The following TPM2 variants were observed in gnomAD, a reference collection of about 807,000 sequenced individuals.
The protein encoded by TPM2 is tropomyosin 2.
A neutral mutation model predicts 41.0 loss-of-function variants in TPM2; 26 were observed. The observed-to-expected ratio is 0.63, with a 90% CI of 0.46 to 0.88. The LOEUF (loss-of-function observed/expected upper bound fraction) is 0.88. Among genes scored for constraint, TPM2 ranks in the 40% least tolerant of loss-of-function variants. The pLI, the probability that TPM2 is intolerant of heterozygous loss-of-function variation, is 0.00. For missense variants in TPM2, 187 were observed against 355.2 expected, an observed-to-expected ratio of 0.53 and a Z score of 3.81; for synonymous variants, 143 against 139.3, an observed-to-expected ratio of 1.03 and a Z score of -0.19.
intron 1 of TPM2, 198 bp from the exon 2 acceptor site, chr9:35,689,469 G>C: frequency 3.3e-6 from 3 of 898,866 alleles, no homozygotes; most frequent in Non-Finnish European, 4.0e-6. Flanking sequence ...CAAGGAGCAG[G>C]ACCAACCGCG....
At chr9:35,687,774 G>A (rs202009886) in intron 2 of TPM2, among the ~76,000 whole-genome samples, 1 of 117,916 alleles carries the variant, frequency 8.5e-6, no homozygotes, top group South Asian at 2.9e-4. Flanking sequence ...ATGGTGGGGT[G>A]ACAAAAGACT....
At chr9:35,682,752 CAGAG>C (rs1563926138), downstream of TPM2, 1 of 1,318,602 alleles carries the variant, frequency 7.6e-7, no homozygotes, top group Non-Finnish European at 1.0e-6. Flanking sequence ...AGTGGTGAAT[CAGAG>C]AGCGACAGCC....
chr9:35,685,176 G>A lies in TPM2; in HGVS notation c.563+93C>T, dbSNP rs752771322. ...GGGCAGGGGTCAGAGAACAGGGCCT[G>A]TCCCTACAGCCCCAAGCCTAGGATG... is the stretch of plus-strand genomic sequence containing the variant. On this transcript the variant is annotated intron_variant, in intron 5 of 8. Coordinates refer to ENST00000645482, the MANE Select transcript of TPM2 (RefSeq NM_003289.4). This position sits in a 1 kb window ranked among gnomAD's most constrained non-coding sequence, Gnocchi z 5.0. The A allele has an allele frequency of 8.7e-6, 14 of 1,614,134 alleles. No individual in the cohort carries two copies. In the South Asian group the frequency reaches 1.2e-4, roughly 14 times the overall value.
chr9:35,684,578 T>G, intron 6 of TPM2, 28 bp from the exon 7 acceptor site: 2 of 1,613,976 alleles, frequency 1.2e-6, no homozygotes, highest in Non-Finnish European at 1.7e-6. Flanking sequence ...ACGCCATCAG[T>G]ACAGCGCTAC....
Position 35,689,262 on chromosome 9 carries a change from C to T in TPM2, c.124G>A (p.Glu42Lys). ...AGCTTCTTCTGGAGGGCCTGCTGCTCCTCCTCCAGCTGGGACAGAGGGGAC... is the reference window on the plus strand; with the variant it reads ...AGCTTCTTCTGGAGGGCCTGCTGCTTCTCCTCCAGCTGGGACAGAGGGGAC... Reference protein sequence around the residue: ...AEDRCKQLEEEQQALQKKLKG... With the variant: ...AEDRCKQLEEKQQALQKKLKG... The change falls in exon 2 of 9, where the codon GAG becomes AAG. Residue 42 changes from glutamate to lysine, a missense_variant. Glu to Lys is a moderately conservative substitution (Grantham distance 56). Coordinates refer to ENST00000645482, the MANE Select transcript of TPM2 (RefSeq NM_003289.4). 6.2e-7 allele frequency: 1 copy of T among 1,614,206 alleles called. No homozygotes were observed. The highest frequency in any genetic ancestry group is 8.5e-7 in the Non-Finnish European group (1 of 1,180,026).
chr9:35,682,370 C>G, downstream of TPM2: 1 of 1,000,072 alleles, frequency 1.0e-6, no homozygotes. Context: ...CACTCAAGGC[C>G]TTGGGGTCAT....
chr9:35,684,886 C>A (rs1022315312), intron 5 of TPM2, 79 bp from the exon 6 acceptor site: 13 of 1,612,566 alleles, frequency 8.1e-6, no homozygotes, highest in Non-Finnish European at 1.1e-5. Flanking sequence ...CAGCAGGGGA[C>A]GGGTGGAGGA....
rs1419414531 is a variant in TPM2, at chr9:35,684,321, G to C, written c.703-6C>G. ...AACTCTGCTCGGGTCTCAGCCTGGG[G>C]GTAAAGGCAGGATGGGAGAAATGGC... On this transcript the variant is annotated splice_polypyrimidine_tract_variant and splice_region_variant and intron_variant, in intron 7 of 8. Coordinates refer to ENST00000645482, the MANE Select transcript of TPM2 (RefSeq NM_003289.4). The C allele has an allele frequency of 1.9e-6, 3 of 1,613,994 alleles. No individual in the cohort carries two copies. Among genetic ancestry groups the C allele is most frequent in the African/African-American group, 2.7e-5 (2 of 74,906 alleles).
downstream of TPM2, chr9:35,682,492 C>CCAGA (rs575966022): frequency 7.8e-7 from 1 of 1,287,836 alleles, no homozygotes; most frequent in African/African-American, 1.5e-5. Context: ...AAAGGAAGGG[C>CCAGA]CAGACAGACA....
chr9:35,682,950 A>T lies in TPM2; in HGVS notation c.*209T>A. 1 of 1,509,194 alleles carries T rather than the reference A, an allele frequency of 6.6e-7. No homozygotes were observed. The highest frequency in any genetic ancestry group is 8.9e-7 in the Non-Finnish European group (1 of 1,124,408). The allele number at this position is 1,509,194 out of a possible 1,614,324, so 93.5% of individuals were successfully genotyped here. On this transcript the variant is annotated 3_prime_UTR_variant, in exon 9 of 9. Coordinates refer to ENST00000645482, the MANE Select transcript of TPM2 (RefSeq NM_003289.4). ...ATGGAGACCAAGTTCAGAATTTATT[A>T]AGCAGCAAAGGAGGGTGGAAGGGGA...
intron 2 of TPM2, among the ~76,000 whole-genome samples, chr9:35,686,093 A>G (rs1009339474): frequency 5.3e-4 from 80 of 152,300 alleles, no homozygotes; most frequent in African/African-American, 1.9e-3. Flanking sequence ...TCTATTAAAA[A>G]TAAAAAATTA....
At chr9:35,689,682 C>G (rs752322874) in intron 1 of TPM2, 22 bp downstream of exon 1, 2 of 1,611,450 alleles carry the variant, frequency 1.2e-6, no homozygotes, top group Non-Finnish European at 1.7e-6. Flanking sequence ...GGAGAGCAGG[C>G]TGCACTGGGC....
chr9:35,684,122 G>C, intron 8 of TPM2, 124 bp downstream of exon 8: 1 of 901,380 alleles, frequency 1.1e-6, no homozygotes, highest in Non-Finnish European at 1.8e-6. Flanking sequence ...CAGAGTTGGG[G>C]AGTTGGTAGG....
intron 2 of TPM2, among the ~76,000 whole-genome samples, chr9:35,686,712 A>G (rs138145210): frequency 9.8e-4 from 149 of 151,864 alleles, no homozygotes; most frequent in African/African-American, 3.5e-3. Flanking sequence ...TCCCAGCAAG[A>G]AGCCCAAGAG....
chr9:35,682,662 A>G (rs138772482), downstream of TPM2: 275 of 1,310,498 alleles, frequency 2.1e-4, 1 homozygote, highest in African/African-American at 3.9e-3. Flanking sequence ...TTGATCCTGG[A>G]ACCCCAGCTA....
At chr9:35,687,152 A>C (rs920664580) in intron 2 of TPM2, among the ~76,000 whole-genome samples, 3 of 152,186 alleles carry the variant, frequency 2.0e-5, no homozygotes, top group African/African-American at 7.2e-5. Flanking sequence ...TACTCAGTTA[A>C]TCAACAGGAC....
chr9:35,689,373 G>A lies in TPM2; in HGVS notation c.115-102C>T, dbSNP rs537003502. On this transcript the variant is annotated intron_variant, in intron 1 of 8. Coordinates refer to ENST00000645482, the MANE Select transcript of TPM2 (RefSeq NM_003289.4). ...CGCTACTAAGATTTGGAGGCTACTG[G>A]GATGGAAGCGGAATAACATAAAAGG... The A allele has an allele frequency of 3.2e-6, 5 of 1,549,854 alleles. No homozygotes were observed. The South Asian group carries it at 4.9e-5, about 15-fold the overall frequency.
intron 8 of TPM2, among the ~76,000 whole-genome samples, chr9:35,683,861 C>T (rs1179547882): frequency 6.6e-6 from 1 of 152,204 alleles, no homozygotes; most frequent in East Asian, 1.9e-4. Context: ...TACTGCGTTA[C>T]ACTCGGGGAC....
chr9:35,682,016 C>T, downstream of TPM2: 2 of 1,542,370 alleles, frequency 1.3e-6, no homozygotes, highest in South Asian at 1.1e-5. Context: ...CCTTGAGAGG[C>T]TAGTAACATC....
Sources: gnomAD v4.1 joint callset for allele counts (sites outside exome capture counted in the v4.1 genomes callset) on GRCh38, gnomAD v4.1.1 for gene constraint, Gnocchi (gnomAD v3.1) non-coding constraint, MANE v1.5 for transcripts, NCBI Gene and HGNC (gene_info 2026-07-23, HGNC 2026-07-21) for gene names.